Variants in PAPPA observed in about 807,000 individuals in gnomAD.
PAPPA encodes the protein pappalysin 1, also known as pappalysin-1.
In PAPPA, 60 loss-of-function variants were observed where a neutral mutation model predicts 164.0. The ratio of observed to expected loss-of-function variants is 0.37; its 90% CI spans 0.30 to 0.45. The LOEUF (loss-of-function observed/expected upper bound fraction) is 0.45. PAPPA is among the 20% of genes least tolerant of loss of function. PAPPA has a pLI of 1.00. For synonymous variants in PAPPA, 875 were observed against 814.1 expected (o/e 1.07, Z -1.27); for missense variants, 1,782 against 2,087.3 (o/e 0.85, Z 2.85).
chr9:116,309,509 A>G (rs544947355), intron 10 of PAPPA, among the ~76,000 whole-genome samples: 1 of 152,330 alleles, frequency 6.6e-6, no homozygotes, highest in South Asian at 2.1e-4. Context: ...TACAAGGATA[A>G]GAAATCTTTC....
intron 13 of PAPPA, among the ~76,000 whole-genome samples, chr9:116,342,997 T>C (rs139901324): frequency 6.6e-5 from 10 of 152,278 alleles, no homozygotes; most frequent in East Asian, 1.9e-4. Context: ...CAAGATGAAA[T>C]AGGCATTTTC....
chr9:116,234,474 G>C (rs749569360), intron 6 of PAPPA, among the ~76,000 whole-genome samples: 13 of 152,046 alleles, frequency 8.6e-5, no homozygotes, highest in East Asian at 1.9e-4. Flanking sequence ...TTTCCTCCCA[G>C]GTCCTCAGTC....
chr9:116,156,631 A>G (rs973458850), intron 1 of PAPPA, among the ~76,000 whole-genome samples: 1 of 152,124 alleles, frequency 6.6e-6, no homozygotes, highest in African/African-American at 2.4e-5. Flanking sequence ...CCAGAAAGCC[A>G]GGAGCTTTTC....
At chr9:116,197,459 C>A (rs1232580020) in intron 2 of PAPPA, among the ~76,000 whole-genome samples, 6 of 152,216 alleles carry the variant, frequency 3.9e-5, no homozygotes, top group Non-Finnish European at 8.8e-5. Context: ...CCAGCAGTGG[C>A]CTTGTGATGG....
At chr9:116,391,772 G>T (rs1846896279) in intron 21 of PAPPA, among the ~76,000 whole-genome samples, 1 of 152,200 alleles carries the variant, frequency 6.6e-6, no homozygotes, top group South Asian at 2.1e-4. Flanking sequence ...GGACAGCCTA[G>T]CCACATGGTG....
At chr9:116,308,535 C>T (rs1334673941) in intron 10 of PAPPA, among the ~76,000 whole-genome samples, 1 of 152,214 alleles carries the variant, frequency 6.6e-6, no homozygotes, top group Non-Finnish European at 1.5e-5. Flanking sequence ...CAGGGCTCAT[C>T]TCTATAAGGG....
At chr9:116,374,435 A>G (rs1464810858) in intron 19 of PAPPA, among the ~76,000 whole-genome samples, 4 of 152,190 alleles carry the variant, frequency 2.6e-5, no homozygotes, top group Non-Finnish European at 5.9e-5. Context: ...AGCCTAGCCA[A>G]TCCTTCAGCT....
intron 13 of PAPPA, among the ~76,000 whole-genome samples, chr9:116,341,012 TTTA>T (rs1381020710): frequency 6.6e-6 from 1 of 151,682 alleles, no homozygotes; most frequent in Non-Finnish European, 1.5e-5. Flanking sequence ...CCTCTCTTTT[TTTA>T]TTTTTATTTT....
At position 116,401,032 on chromosome 9, in the gene PAPPA, A is replaced by G. The variant is rs1417405824; in HGVS notation, c.*4416A>G. The G allele has an allele frequency of 6.6e-6, 1 of 152,496 alleles. No individual in the cohort carries two copies. The highest frequency in any genetic ancestry group is 2.4e-5 in the African/African-American group (1 of 41,336). The allele number at this position is 152,496 out of a possible 1,614,324, so 9.4% of individuals were successfully genotyped here. A position where few individuals can be genotyped will look rare whatever the true frequency, so the allele number is the denominator to read the frequency against. ...CTTGACACAAAGTCCATGGGTTATT[A>G]TTCAAGAATGCACAGGCCCATCGGC... is the stretch of plus-strand genomic sequence containing the variant. On this transcript the variant is annotated 3_prime_UTR_variant, in exon 22 of 22. Transcript: ENST00000328252.
chr9:116,369,281 C>T (rs999742640), intron 19 of PAPPA, among the ~76,000 whole-genome samples: 4 of 152,134 alleles, frequency 2.6e-5, no homozygotes, highest in Admixed American at 2.6e-4. Flanking sequence ...CCCGAGTGCC[C>T]CAGTGCACCC....
chr9:116,237,650 G>A (rs934628301), intron 7 of PAPPA, among the ~76,000 whole-genome samples: 5 of 151,808 alleles, frequency 3.3e-5, no homozygotes, highest in Non-Finnish European at 5.9e-5. Flanking sequence ...TGAGTCACTT[G>A]TCCTTTCTAG....
At chr9:116,295,634 TAG>T (rs1158234767) in intron 9 of PAPPA, among the ~76,000 whole-genome samples, 3 of 151,778 alleles carry the variant, frequency 2.0e-5, no homozygotes, top group African/African-American at 7.3e-5. Context: ...TTATTTAACA[TAG>T]TATTGCAATC....
intron 7 of PAPPA, among the ~76,000 whole-genome samples, chr9:116,264,673 TC>T (rs1468297176): frequency 6.6e-6 from 1 of 152,014 alleles, no homozygotes; most frequent in Non-Finnish European, 1.5e-5. Flanking sequence ...GTTTATGAAA[TC>T]CCCCCCAATG....
At chr9:116,192,843 T>C (rs944482040) in intron 2 of PAPPA, among the ~76,000 whole-genome samples, 1 of 152,180 alleles carries the variant, frequency 6.6e-6, no homozygotes, top group African/African-American at 2.4e-5. Context: ...AAAACCTGGA[T>C]ATTAATAGAA....
intron 10 of PAPPA, among the ~76,000 whole-genome samples, chr9:116,313,237 C>T (rs1845745793): frequency 6.6e-6 from 1 of 152,092 alleles, no homozygotes. Context: ...AGAGATGTCC[C>T]TGCTGAGAGG....
intron 4 of PAPPA, among the ~76,000 whole-genome samples, chr9:116,212,993 C>G (rs1373113629): frequency 6.6e-6 from 1 of 152,166 alleles, no homozygotes; most frequent in African/African-American, 2.4e-5. Flanking sequence ...ACATATCTGA[C>G]TCCAAGTATT....
intron 20 of PAPPA, among the ~76,000 whole-genome samples, chr9:116,381,129 A>G (rs1054105586): frequency 3.3e-5 from 5 of 152,286 alleles, no homozygotes; most frequent in South Asian, 2.1e-4. Context: ...TGAGAAATCA[A>G]TGGACTAATC....
chr9:116,301,277 T>C (rs1180471827), intron 9 of PAPPA, among the ~76,000 whole-genome samples: 1 of 152,208 alleles, frequency 6.6e-6, no homozygotes, highest in East Asian at 1.9e-4. Context: ...TGATAAATTA[T>C]ATAGTAACCC....
chr9:116,284,545 C>CTTTTTTTTTTTTTTTTTTTTTT (rs61248033), intron 9 of PAPPA, among the ~76,000 whole-genome samples: 1 of 88,240 alleles, frequency 1.1e-5, no homozygotes, highest in Non-Finnish European at 2.0e-5. Context: ...TAGTCTGGGC[C>CTTTTTTTTTTTTTTTTTTTTTT]TTTTTTTTTT....
Sources: gnomAD v4.1 joint callset for allele counts (sites outside exome capture counted in the v4.1 genomes callset) on GRCh38, gnomAD v4.1.1 for gene constraint, MANE v1.5 for transcripts, NCBI Gene and HGNC (gene_info 2026-07-23, HGNC 2026-07-21) for gene names.